PPWD1: variants seen among roughly 807,000 people sequenced by gnomAD.
PPWD1 encodes the protein peptidylprolyl isomerase domain and WD repeat containing 1, also known as peptidylprolyl isomerase domain and WD repeat-containing protein 1.
In PPWD1, 43 loss-of-function variants were observed where a neutral mutation model predicts 68.8. That is an observed-to-expected ratio of 0.62 (90% CI 0.49 to 0.81). The LOEUF (loss-of-function observed/expected upper bound fraction) is 0.81. Ranked by LOEUF, PPWD1 falls within the 30% of genes least tolerant of loss-of-function variation. The probability of loss-of-function intolerance (pLI) is 0.00; values close to 1 mark genes in which losing one functional copy is unlikely to be tolerated. For missense variants in PPWD1, 672 were observed against 804.8 expected, an observed-to-expected ratio of 0.83 and a Z score of 2.00; for synonymous variants, 232 against 258.7, an observed-to-expected ratio of 0.90 and a Z score of 0.99.
intron 5 of PPWD1, among the ~76,000 whole-genome samples, chr5:65,575,446 C>G (rs572835530): frequency 6.6e-6 from 1 of 152,324 alleles, no homozygotes; most frequent in African/African-American, 2.4e-5. Flanking sequence ...TGTGCTTATA[C>G]CCTAACACAC....
chr5:65,577,500 T>G (rs997391534), intron 6 of PPWD1, among the ~76,000 whole-genome samples: 1 of 152,184 alleles, frequency 6.6e-6, no homozygotes, highest in Non-Finnish European at 1.5e-5. Context: ...CATTTGGTCT[T>G]AGTACAAAAT....
rs762575439 is a variant in PPWD1, at chr5:65,579,503, C to T, written c.1240C>T (p.Arg414Cys). Residue 414 changes from arginine (R) to cysteine (C), a missense_variant, in exon 7 of 11, where the codon CGT becomes TGT. Around this residue, in one of 2 missense-constraint regions of PPWD1, gnomAD observed 484 missense variants for 646.2 expected, o/e 0.75. Transcript: ENST00000261308. The part of the protein sequence containing the change: ...ALFQGIAKKH[R>C]AATTIEMKAS... Reference sequence around the variant, plus strand: ...GTTCCAGGGGATAGCCAAAAAGCATCGTGCTGCAACTACTATAGAAATGAA... The same window carrying T: ...GTTCCAGGGGATAGCCAAAAAGCATTGTGCTGCAACTACTATAGAAATGAA... 10 of 1,609,430 alleles carry T rather than the reference C, an allele frequency of 6.2e-6. No individual in the cohort carries two copies. The highest frequency in any genetic ancestry group is 2.7e-5 in the African/African-American group (2 of 74,582).
rs185435195 is a variant in PPWD1, at chr5:65,587,217, G to C, written c.1798-36G>C. The C allele has an allele frequency of 7.5e-5, 117 of 1,563,580 alleles. 1 individual carries two copies. In the East Asian group the frequency reaches 2.0e-3, roughly 27 times the overall value. ...AGAGGATATAATTTAAAGAAATTGG[G>C]GTTTACCAAGATTTTCCATTTGTCC... On this transcript the variant is annotated intron_variant, in intron 10 of 10. Transcript: ENST00000261308.
intron 9 of PPWD1, 28 bp downstream of exon 9, chr5:65,585,123 AAG>A: frequency 6.4e-7 from 1 of 1,563,354 alleles, no homozygotes; most frequent in Non-Finnish European, 8.8e-7. Flanking sequence ...CATGTCATAT[AAG>A]AAATACTGTA....
rs770573531 is a variant in PPWD1, at chr5:65,563,304, G to A, written c.-7G>A. On this transcript the variant is annotated 5_prime_UTR_variant, in exon 1 of 11. Transcript: ENST00000261308. ...TGTGTCGCGCCTTTTCTGACGATGC[G>A]AACAACATGGCGGCGGAAAGTGGTA... is the stretch of plus-strand genomic sequence containing the variant. 1.9e-6 allele frequency: 3 copies of A among 1,610,208 alleles called. No individual in the cohort carries two copies. The highest frequency in any genetic ancestry group is 1.3e-5 in the African/African-American group (1 of 74,634).
intron 5 of PPWD1, 128 bp from the exon 6 acceptor site, chr5:65,576,751 A>G: frequency 1.4e-6 from 2 of 1,387,598 alleles, no homozygotes; most frequent in South Asian, 1.7e-5. Context: ...AGAAGTACAA[A>G]CAGTTAGTGG....
At chr5:65,584,155 G>A (rs1399031544) in intron 8 of PPWD1, among the ~76,000 whole-genome samples, 3 of 152,146 alleles carry the variant, frequency 2.0e-5, no homozygotes, top group East Asian at 3.9e-4. Flanking sequence ...GAATATGAAC[G>A]TTTTATACCA....
intron 6 of PPWD1, among the ~76,000 whole-genome samples, chr5:65,578,756 ATGTG>A (rs1235894816): frequency 1.1e-4 from 8 of 73,970 alleles, no homozygotes; most frequent in African/African-American, 3.9e-4. Context: ...ACACACATAT[ATGTG>A]TATATATATA....
At chr5:65,575,954 CAT>C in intron 5 of PPWD1, among the ~76,000 whole-genome samples, 1 of 152,338 alleles carries the variant, frequency 6.6e-6, no homozygotes, top group Non-Finnish European at 1.5e-5. Flanking sequence ...TCAAGGACCT[CAT>C]AGTCTATAGC....
chr5:65,578,297 A>G (rs1753403671), intron 6 of PPWD1, among the ~76,000 whole-genome samples: 1 of 152,230 alleles, frequency 6.6e-6, no homozygotes, highest in Non-Finnish European at 1.5e-5. Flanking sequence ...AAAAGCTGCT[A>G]TAATCATCTG....
chr5:65,565,732 C>G (rs1752718718), intron 1 of PPWD1, among the ~76,000 whole-genome samples: 1 of 149,334 alleles, frequency 6.7e-6, no homozygotes, highest in African/African-American at 2.5e-5. Flanking sequence ...CACTTGAACC[C>G]AGGAGGCAGA....
Position 65,572,172 on chromosome 5 carries a change from C to G in PPWD1, c.855C>G (p.Ser285Arg), listed in dbSNP as rs368682011. 30 of 1,613,830 alleles carry G rather than the reference C, an allele frequency of 1.9e-5. No individual in the cohort carries two copies. In the Admixed American group the frequency reaches 3.8e-4, roughly 21 times the overall value. ...CCAAGTGTAAGGCTTATCCAACCAG[C>G]GTATGTTTTTCACCAGATGGGAAGA... ...EFAKCKAYPT[S>R]VCFSPDGKKI... is the part of the protein sequence containing the mutation. Residue 285 changes from serine to arginine, a missense_variant, in exon 5 of 11, where the codon AGC becomes AGG. Ser to Arg is a moderately radical substitution (Grantham distance 110). This residue lies in a region of PPWD1 where 484 missense variants were observed against 646.2 expected (regional missense o/e 0.75). Transcript: ENST00000261308.
At chr5:65,569,185 A>C (rs1338639347) in intron 2 of PPWD1, among the ~76,000 whole-genome samples, 1 of 152,080 alleles carries the variant, frequency 6.6e-6, no homozygotes, top group Non-Finnish European at 1.5e-5. Context: ...TTGATACTTA[A>C]GTAACCAAAA....
chr5:65,574,080 C>T (rs1753161957), intron 5 of PPWD1, among the ~76,000 whole-genome samples: 1 of 152,190 alleles, frequency 6.6e-6, no homozygotes, highest in African/African-American at 2.4e-5. Flanking sequence ...GACCAATTTG[C>T]ATTGGATTCC....
At chr5:65,570,832 T>C (rs1561723722) in intron 4 of PPWD1, among the ~76,000 whole-genome samples, 1 of 152,102 alleles carries the variant, frequency 6.6e-6, no homozygotes, top group African/African-American at 2.4e-5. Flanking sequence ...CTGACTCTTA[T>C]GAGCTCATTA....
intron 10 of PPWD1, 98 bp from the exon 11 acceptor site, chr5:65,587,155 G>C: frequency 1.6e-6 from 2 of 1,268,486 alleles, no homozygotes; most frequent in Non-Finnish European, 2.1e-6. Context: ...ATGCTAAAGG[G>C]GAGCGTAAAC....
At chr5:65,584,919 A>T (rs1581166840) in intron 8 of PPWD1, 95 bp from the exon 9 acceptor site, 1 of 1,487,152 alleles carries the variant, frequency 6.7e-7, no homozygotes, top group Non-Finnish European at 8.9e-7. Context: ...TTCAGAAGAC[A>T]TGGAAAGGAA....
chr5:65,582,950 G>T, intron 7 of PPWD1, 88 bp from the exon 8 acceptor site: 1 of 1,408,738 alleles, frequency 7.1e-7, no homozygotes, highest in Non-Finnish European at 9.4e-7. Context: ...CATTTCTTAA[G>T]TACTTCATTA....
At chr5:65,576,372 A>AT in intron 5 of PPWD1, 4 of 942,100 alleles carry the variant, frequency 4.2e-6, no homozygotes, top group Non-Finnish European at 5.0e-6. Context: ...TTTGAAATAC[A>AT]ATTTTTTTTT....
Sources: allele counts gnomAD v4.1 joint callset (sites outside exome capture counted in the v4.1 genomes callset), GRCh38; gene constraint gnomAD v4.1.1; regional missense constraint gnomAD v4.1.1; transcripts MANE v1.5; gene names NCBI Gene and HGNC (gene_info 2026-07-23, HGNC 2026-07-21).